CNTN5: variants seen among roughly 807,000 people sequenced by gnomAD.
CNTN5 encodes the protein contactin-5.
A neutral mutation model predicts 129.1 loss-of-function variants in CNTN5; 77 were observed. That is an observed-to-expected ratio of 0.60 (90% CI 0.50 to 0.72). The LOEUF (loss-of-function observed/expected upper bound fraction) is 0.72, where lower values mean the gene tolerates loss of function less well. Ranked by LOEUF, CNTN5 falls within the 30% of genes least tolerant of loss-of-function variation. CNTN5 has a pLI of 0.00. For synonymous variants in CNTN5, 509 were observed against 465.6 expected (o/e 1.09, Z -1.20); for missense variants, 1,478 against 1,328.8 (o/e 1.11, Z -1.75).
chr11:99,470,932 T>G (rs2135273846), intron 2 of CNTN5, among the ~76,000 whole-genome samples: 1 of 152,240 alleles, frequency 6.6e-6, no homozygotes. Context: ...AGGTAGATCT[T>G]ATTTATTCCT....
In CNTN5 at chr11:99,293,506, C is replaced by T. The variant is rs375862859; in HGVS notation, c.-209-31840C>T. On this transcript the variant is annotated intron_variant, in intron 1 of 24. Coordinates refer to ENST00000524871, the MANE Select transcript of CNTN5 (RefSeq NM_014361.4). ...TTGAGTATACGTGGTATTAGTTCTACTTTAAATGTTTGGTAGAATTTAGCA... is the reference window on the plus strand; with the variant it reads ...TTGAGTATACGTGGTATTAGTTCTATTTTAAATGTTTGGTAGAATTTAGCA... Among the ~76,000 whole-genome samples, 4 of 152,220 alleles carry T rather than the reference C, an allele frequency of 2.6e-5. No homozygotes were observed. In the South Asian group the frequency reaches 6.2e-4, roughly 24 times the overall value.
intron 3 of CNTN5, among the ~76,000 whole-genome samples, chr11:99,674,414 C>G (rs1490691007): frequency 6.6e-6 from 1 of 152,068 alleles, no homozygotes; most frequent in African/African-American, 2.4e-5. Context: ...CCTGTTCACT[C>G]TGTTGATAGT....
intron 3 of CNTN5, among the ~76,000 whole-genome samples, chr11:99,696,622 A>T (rs569154595): frequency 1.3e-5 from 2 of 150,588 alleles, no homozygotes; most frequent in South Asian, 2.1e-4. Flanking sequence ...ATCAGTAGTC[A>T]TTCTTTTTTT....
intron 1 of CNTN5, among the ~76,000 whole-genome samples, chr11:99,128,845 G>A (rs1858783258): frequency 6.6e-6 from 1 of 152,126 alleles, no homozygotes; most frequent in South Asian, 2.1e-4. Context: ...TAGACCCCCA[G>A]CACACTGCAG....
chr11:99,992,623 G>A (rs555307466), intron 8 of CNTN5, among the ~76,000 whole-genome samples: 1 of 152,136 alleles, frequency 6.6e-6, no homozygotes, highest in South Asian at 2.1e-4. Flanking sequence ...GTTGAACTCT[G>A]TTGCCTGAAA....
chr11:99,836,007 A>G (rs1225305389), intron 4 of CNTN5, among the ~76,000 whole-genome samples: 1 of 152,140 alleles, frequency 6.6e-6, no homozygotes, highest in African/African-American at 2.4e-5. Context: ...TTAAGAAAGT[A>G]AAGAAATAAA....
chr11:99,653,490 G>T lies in CNTN5; in HGVS notation c.55+97221G>T, dbSNP rs1512125. 6.8e-3 allele frequency among the ~76,000 whole-genome samples: 1,038 copies of T among 151,976 alleles called. 69 individuals carry two copies. In the East Asian group the frequency reaches 0.17, roughly 24 times the overall value. ...TCAGTAAGTAGTTCTATTTATTGAA[G>T]AATTACCATATTTAAAGAAAGTGTG... On this transcript the variant is annotated intron_variant, in intron 3 of 24. Transcript: ENST00000524871.
At chr11:99,578,054 C>T (rs1000654601) in intron 3 of CNTN5, among the ~76,000 whole-genome samples, 2 of 149,476 alleles carry the variant, frequency 1.3e-5, no homozygotes, top group African/African-American at 5.0e-5. Context: ...GTTCAATTCC[C>T]ATCTATGAGT....
intron 1 of CNTN5, among the ~76,000 whole-genome samples, chr11:99,197,332 AT>A (rs1408601953): frequency 6.6e-6 from 1 of 151,958 alleles, no homozygotes; most frequent in African/African-American, 2.4e-5. Context: ...CTACCTAAAA[AT>A]GTATATATTT....
chr11:99,723,812 T>C (rs188439591), intron 3 of CNTN5, among the ~76,000 whole-genome samples: 1 of 152,240 alleles, frequency 6.6e-6, no homozygotes, highest in East Asian at 1.9e-4. Context: ...TTTGTTTAAA[T>C]AATGTTATGG....
At chr11:99,498,007 C>T (rs1946291050) in intron 2 of CNTN5, among the ~76,000 whole-genome samples, 1 of 152,094 alleles carries the variant, frequency 6.6e-6, no homozygotes. Context: ...TCATTTTCTA[C>T]ATGTTAGCTA....
At chr11:99,541,956 CAAA>C (rs56363127) in intron 2 of CNTN5, among the ~76,000 whole-genome samples, 1,562 of 68,846 alleles carry the variant, frequency 0.023, 15 homozygotes, top group African/African-American at 0.079. Flanking sequence ...GATCTTGTCT[CAAA>C]AAAAAAAAAA....
chr11:99,538,263 T>C (rs1420732051), intron 2 of CNTN5, among the ~76,000 whole-genome samples: 1 of 152,204 alleles, frequency 6.6e-6, no homozygotes, highest in Non-Finnish European at 1.5e-5. Context: ...TATCAGGAAA[T>C]CTGTGAAAGA....
At chr11:99,300,004 T>G (rs1192869922) in intron 1 of CNTN5, among the ~76,000 whole-genome samples, 1 of 152,196 alleles carries the variant, frequency 6.6e-6, no homozygotes, top group Non-Finnish European at 1.5e-5. Context: ...TAATTTACAT[T>G]TCTACCAACA....
rs370432166 is a variant in CNTN5 at position 99,407,764 on chromosome 11, T to C, written c.-71+82280T>C. On this transcript the variant is annotated intron_variant, in intron 2 of 24. Transcript: ENST00000524871. Reference sequence around the variant, plus strand: ...ACTGTTAGAATCTGTAACTCCCCCCTCACTAGGACTCATTTGAGTGCTCTC... The same window carrying C: ...ACTGTTAGAATCTGTAACTCCCCCCCCACTAGGACTCATTTGAGTGCTCTC... Among the ~76,000 whole-genome samples the C allele has an allele frequency of 2.0e-5, 3 of 152,300 alleles. No individual in the cohort carries two copies. The East Asian group carries it at 5.8e-4, about 29-fold the overall frequency.
chr11:99,028,662 AAT>A (rs1236572120), intron 1 of CNTN5, among the ~76,000 whole-genome samples: 1 of 151,828 alleles, frequency 6.6e-6, no homozygotes, highest in Non-Finnish European at 1.5e-5. Context: ...TGCTAACTTT[AAT>A]ATCTCAGAGC....
chr11:99,578,950 T>A (rs922475710), intron 3 of CNTN5, among the ~76,000 whole-genome samples: 8 of 152,278 alleles, frequency 5.3e-5, no homozygotes, highest in African/African-American at 1.7e-4. Context: ...TTCTAGGGTT[T>A]TTATGGTTTT....
intron 6 of CNTN5, among the ~76,000 whole-genome samples, chr11:99,863,719 C>G (rs79831349): frequency 0.013 from 2,026 of 152,238 alleles, 47 homozygotes; most frequent in African/African-American, 0.045. Flanking sequence ...GCTACTATTG[C>G]TGTTGTTAGC....
Position 100,094,765 on chromosome 11 carries a change from A to AAGGAAGG in CNTN5, c.1580+20472_1580+20473insGGAAGGA, listed in dbSNP as rs1491219635. On this transcript the variant is annotated intron_variant, in intron 13 of 24. Transcript: ENST00000524871. ...AAGAAGAAGGAGGGAGGGAGGGAGG[A>AAGGAAGG]AAGGAAGGAAGGAAGGAAGGAAGGA... Among the ~76,000 whole-genome samples the AAGGAAGG allele has an allele frequency of 1.8e-3, 208 of 113,938 alleles. 3 individuals carry two copies. Among genetic ancestry groups the AAGGAAGG allele is most frequent in the African/African-American group, 6.4e-3 (198 of 30,970 alleles). The allele number at this position is 113,938 out of a possible 152,430, so 74.7% of individuals were successfully genotyped here.
Sources: gnomAD v4.1 joint callset for allele counts (sites outside exome capture counted in the v4.1 genomes callset) on GRCh38, gnomAD v4.1.1 for gene constraint, MANE v1.5 for transcripts, NCBI Gene and HGNC (gene_info 2026-07-23, HGNC 2026-07-21) for gene names.